CNTNAP4: variants seen among roughly 807,000 people sequenced by gnomAD.
The protein encoded by CNTNAP4 is contactin-associated protein-like 4.
Under a neutral mutation model 148.4 loss-of-function variants are expected in CNTNAP4, and 98 were observed. That is an observed-to-expected ratio of 0.66 (90% CI 0.56 to 0.78). CNTNAP4 has a LOEUF of 0.78. CNTNAP4 is among the 30% of genes least tolerant of loss of function. The pLI, the probability that CNTNAP4 is intolerant of heterozygous loss-of-function variation, is 0.00. For missense variants in CNTNAP4, 1,935 were observed against 1,565.6 expected (o/e 1.24, Z -3.98); for synonymous variants, 730 against 565.1 (o/e 1.29, Z -4.14).
At chr16:76,527,329 G>C (rs2083787072) in intron 17 of CNTNAP4, among the ~76,000 whole-genome samples, 1 of 152,118 alleles carries the variant, frequency 6.6e-6, no homozygotes, top group African/African-American at 2.4e-5. Flanking sequence ...TCTATTCTCA[G>C]AGCTGGTGAC....
At position 76,522,748 on chromosome 16, in the gene CNTNAP4, T is replaced by C. The variant is rs1187852109; in HGVS notation, c.2755+491T>C. Among the ~76,000 whole-genome samples the C allele has an allele frequency of 5.6e-5, 6 of 107,728 alleles. No homozygotes were observed. The East Asian group carries it at 1.1e-3, about 20-fold the overall frequency. 70.7% of individuals were successfully genotyped at this position (107,728 alleles called of 152,430 possible). A position where few individuals can be genotyped will look rare whatever the true frequency, so the allele number is the denominator to read the frequency against. On this transcript the variant is annotated intron_variant, in intron 17 of 23. Transcript: ENST00000611870. Reference sequence around the variant, plus strand: ...TTTCTTTTCTTTTCTTTTCTTTTCTTTTCTTTTCTTTTCTTTTCTTTTCTT... The same window carrying C: ...TTTCTTTTCTTTTCTTTTCTTTTCTCTTCTTTTCTTTTCTTTTCTTTTCTT...
chr16:76,315,330 G>A (rs1322105376), intron 1 of CNTNAP4, among the ~76,000 whole-genome samples: 1 of 152,142 alleles, frequency 6.6e-6, no homozygotes, highest in Non-Finnish European at 1.5e-5. Context: ...AACTCCTTGA[G>A]GCTGGGGGTT....
intron 3 of CNTNAP4, among the ~76,000 whole-genome samples, chr16:76,424,773 AAAAC>A (rs996004491): frequency 1.3e-5 from 2 of 151,972 alleles, no homozygotes; most frequent in African/African-American, 2.4e-5. Flanking sequence ...AACAAAAACA[AAAAC>A]AAAAAGACGT....
At chr16:76,467,927 G>C (rs2081234522) in intron 10 of CNTNAP4, among the ~76,000 whole-genome samples, 1 of 152,192 alleles carries the variant, frequency 6.6e-6, no homozygotes, top group Admixed American at 6.5e-5. Context: ...ACTGGCATTT[G>C]CTACCCTGAC....
At chr16:76,433,144 T>G (rs1233001747) in intron 4 of CNTNAP4, among the ~76,000 whole-genome samples, 1 of 152,112 alleles carries the variant, frequency 6.6e-6, no homozygotes, top group East Asian at 1.9e-4. Context: ...CAGACATTCT[T>G]TTTTTGTTAT....
At chr16:76,533,157 TA>T (rs2084059594) in intron 17 of CNTNAP4, among the ~76,000 whole-genome samples, 3 of 151,786 alleles carry the variant, frequency 2.0e-5, no homozygotes, top group Admixed American at 2.0e-4. Flanking sequence ...AATTCAGGCA[TA>T]AAAAAGAATA....
chr16:76,435,849 C>A (rs567131326), intron 4 of CNTNAP4, among the ~76,000 whole-genome samples: 71 of 152,244 alleles, frequency 4.7e-4, no homozygotes, highest in African/African-American at 1.6e-3. Context: ...ATGCAGAATA[C>A]CTACTTAGTG....
chr16:76,540,898 C>T lies in CNTNAP4; in HGVS notation c.3442+108C>T, dbSNP rs536979634. The T allele has an allele frequency of 2.1e-5, 15 of 707,808 alleles. No homozygotes were observed. In the South Asian group the frequency reaches 2.5e-4, roughly 12 times the overall value. 43.8% of individuals were successfully genotyped at this position (707,808 alleles called of 1,614,324 possible). On this transcript the variant is annotated intron_variant, in intron 21 of 23. Transcript: ENST00000611870. ...CCACTTCGTCATGGCAAAGGAAATC[C>T]CTTGCCTATTTTGATTATGAAGTGA...
At chr16:76,504,618 T>A (rs2082773802) in intron 15 of CNTNAP4, among the ~76,000 whole-genome samples, 1 of 152,000 alleles carries the variant, frequency 6.6e-6, no homozygotes, top group South Asian at 2.1e-4. Flanking sequence ...AATAATAAAT[T>A]GGGTTTCACT....
chr16:76,511,525 G>A (rs984760858), intron 15 of CNTNAP4, among the ~76,000 whole-genome samples: 4 of 151,986 alleles, frequency 2.6e-5, no homozygotes, highest in Admixed American at 6.6e-5. Context: ...CATATAAACC[G>A]TTAAAAAAAG....
chr16:76,336,480 C>T (rs541874366), intron 2 of CNTNAP4, among the ~76,000 whole-genome samples: 1 of 152,134 alleles, frequency 6.6e-6, no homozygotes, highest in African/African-American at 2.4e-5. Context: ...TACCAGCATA[C>T]CACTGATCAG....
At chr16:76,375,238 A>T (rs2015302336) in intron 3 of CNTNAP4, among the ~76,000 whole-genome samples, 1 of 152,052 alleles carries the variant, frequency 6.6e-6, no homozygotes, top group Admixed American at 6.5e-5. Context: ...CCTGGTTAAC[A>T]TGGTAAAACC....
intron 3 of CNTNAP4, among the ~76,000 whole-genome samples, chr16:76,377,087 G>A (rs994182340): frequency 2.6e-5 from 4 of 152,088 alleles, no homozygotes; most frequent in African/African-American, 9.7e-5. Flanking sequence ...TCAGGGCAGA[G>A]TTGCAGTTTA....
rs760389207 is a variant in CNTNAP4, at chr16:76,426,720, A to AT, written c.391-723dup. ...TGCAATGGTTGCAAACACTGGAGGG[A>AT]TTTTTTTTTCTTTCCTTTCTGACCT... On this transcript the variant is annotated intron_variant, in intron 3 of 23. Transcript: ENST00000611870. Among the ~76,000 whole-genome samples the AT allele has an allele frequency of 2.0e-3, 297 of 151,442 alleles. 1 individual carries two copies. Among genetic ancestry groups the AT allele is most frequent in the African/African-American group, 6.4e-3 (265 of 41,266 alleles).
chr16:76,487,403 A>G (rs937762079), intron 12 of CNTNAP4, among the ~76,000 whole-genome samples: 1 of 152,258 alleles, frequency 6.6e-6, no homozygotes, highest in African/African-American at 2.4e-5. Context: ...AGGAAAGACC[A>G]GTAAAGTCAA....
chr16:76,282,963 T>C lies in CNTNAP4; in HGVS notation c.85+5216T>C, dbSNP rs1958743813. ...TGCTTCAGCTTTAAATGAAGATTTCTAAGTCTCATCAAAAGGCCAATTTCC... is the reference window on the plus strand; with the variant it reads ...TGCTTCAGCTTTAAATGAAGATTTCCAAGTCTCATCAAAAGGCCAATTTCC... On this transcript the variant is annotated intron_variant, in intron 1 of 23. Transcript: ENST00000611870. 2.6e-5 allele frequency among the ~76,000 whole-genome samples: 4 copies of C among 151,806 alleles called. No homozygotes were observed. In the South Asian group the frequency reaches 8.3e-4, roughly 31 times the overall value.
chr16:76,418,228 A>T (rs2079054044), intron 3 of CNTNAP4, among the ~76,000 whole-genome samples: 1 of 151,422 alleles, frequency 6.6e-6, no homozygotes. Flanking sequence ...CTGGTATTCC[A>T]CTTACGCATA....
At chr16:76,334,479 G>A (rs1397362348) in intron 2 of CNTNAP4, among the ~76,000 whole-genome samples, 2 of 152,082 alleles carry the variant, frequency 1.3e-5, no homozygotes, top group African/African-American at 4.8e-5. Flanking sequence ...TGATGAAAAA[G>A]TAGAATGAAC....
chr16:76,558,249 G>A (rs764789500), intron 23 of CNTNAP4: 33 of 385,234 alleles, frequency 8.6e-5, no homozygotes, highest in Non-Finnish European at 1.4e-4. Context: ...AAGTAAATCC[G>A]ATATAATATG....
Sources: allele counts gnomAD v4.1 joint callset (sites outside exome capture counted in the v4.1 genomes callset), GRCh38; gene constraint gnomAD v4.1.1; transcripts MANE v1.5; gene names NCBI Gene and HGNC (gene_info 2026-07-23, HGNC 2026-07-21).